Variants in PIK3AP1 observed in about 807,000 individuals in gnomAD.
PIK3AP1 encodes the protein phosphoinositide-3-kinase adaptor protein 1.
PIK3AP1 carries 21 observed loss-of-function variants against 88.1 expected under a neutral mutation model. The observed-to-expected ratio is 0.24, with a 90% confidence interval of 0.17 to 0.34. PIK3AP1 has a LOEUF of 0.34. Ranked by LOEUF, PIK3AP1 falls within the 10% of genes least tolerant of loss-of-function variation. The pLI is 1.00. For synonymous variants in PIK3AP1, 398 were observed against 400.0 expected, an observed-to-expected ratio of 1.00 and a Z score of 0.06; for missense variants, 828 against 1,035.7, an observed-to-expected ratio of 0.80 and a Z score of 2.75.
chr10:96,660,636 C>T (rs1034236597), intron 2 of PIK3AP1, among the ~76,000 whole-genome samples: 3 of 152,186 alleles, frequency 2.0e-5, no homozygotes, highest in African/African-American at 7.2e-5. Context: ...ACTAAACAAT[C>T]CAGCAATCAT....
rs1027684697 is a variant in PIK3AP1 at position 96,610,009 on chromosome 10, G to A, written c.2015-142C>T. ...GGGAAGGGAAAAGACGATGGGAGAG[G>A]GAGGGGCCCTGGGTTGGTGGCCCCC... On this transcript the variant is annotated intron_variant, in intron 13 of 16. Coordinates refer to ENST00000339364, the MANE Select transcript of PIK3AP1 (RefSeq NM_152309.3). 6.7e-6 allele frequency: 7 copies of A among 1,039,112 alleles called. No individual in the cohort carries two copies. In the East Asian group the frequency reaches 1.4e-4, roughly 21 times the overall value. 64.4% of individuals were successfully genotyped at this position (1,039,112 alleles called of 1,614,324 possible).
At chr10:96,626,126 G>C (rs1407573897) in intron 10 of PIK3AP1, among the ~76,000 whole-genome samples, 1 of 152,158 alleles carries the variant, frequency 6.6e-6, no homozygotes, top group African/African-American at 2.4e-5. Context: ...AATGCTATCA[G>C]TATCTAACTA....
chr10:96,618,793 T>G (rs1448662213), intron 12 of PIK3AP1: 2 of 152,232 alleles, frequency 1.3e-5, no homozygotes, highest in East Asian at 3.9e-4. Context: ...TTAACTACTG[T>G]GCCACGTGGT....
At chr10:96,652,957 G>T in intron 3 of PIK3AP1, 115 bp from the exon 4 acceptor site, 1 of 1,207,380 alleles carries the variant, frequency 8.3e-7, no homozygotes, top group Non-Finnish European at 1.2e-6. Flanking sequence ...AATCTCTGGG[G>T]ACAGGGTGGA....
chr10:96,720,239 G>A lies in PIK3AP1; in HGVS notation c.13+143C>T. On this transcript the variant is annotated intron_variant, in intron 1 of 16. Coordinates refer to ENST00000339364, the MANE Select transcript of PIK3AP1 (RefSeq NM_152309.3). The surrounding 1 kb of genome is among the most constrained non-coding windows in gnomAD (Gnocchi z 4.6). ...AAGTTGGAGTGGGAAGTTTGCGACA[G>A]GGAACATAGAAAAGAGCAGAAAGAG... The A allele has an allele frequency of 3.5e-6, 3 of 869,004 alleles. No homozygotes were observed. The highest frequency in any genetic ancestry group is 4.6e-6 in the Non-Finnish European group (3 of 658,690). The allele number at this position is 869,004 out of a possible 1,614,324, so 53.8% of individuals were successfully genotyped here.
chr10:96,649,805 T>C (rs1024837460), intron 6 of PIK3AP1, among the ~76,000 whole-genome samples: 1 of 152,190 alleles, frequency 6.6e-6, no homozygotes, highest in Non-Finnish European at 1.5e-5. Context: ...CACTCTCTAA[T>C]TGGTGAAAAG....
chr10:96,712,295 G>A (rs72824468), intron 1 of PIK3AP1, among the ~76,000 whole-genome samples: 5,248 of 152,180 alleles, frequency 0.034, 136 homozygotes, highest in South Asian at 0.066. Flanking sequence ...CAATTCTGAC[G>A]ATGCCCTGGA....
At chr10:96,612,268 C>T (rs1237496574) in intron 13 of PIK3AP1, among the ~76,000 whole-genome samples, 1 of 152,190 alleles carries the variant, frequency 6.6e-6, no homozygotes, top group East Asian at 1.9e-4. Flanking sequence ...CTCTCACCAG[C>T]CCTTCTCTAA....
Position 96,623,466 on chromosome 10 carries a change from G to A in PIK3AP1, c.1735+6C>T. 6.2e-7 allele frequency: 1 copy of A among 1,607,334 alleles called. No homozygotes were observed. The highest frequency in any genetic ancestry group is 1.3e-5 in the African/African-American group (1 of 74,842). ...AAAAGTTCAGTTCATATAACACATG[G>A]CTTACCTTTCCTGATGCTCTCTGAG... On this transcript the variant is annotated splice_donor_region_variant and intron_variant, in intron 11 of 16. Transcript: ENST00000339364.
intron 2 of PIK3AP1, among the ~76,000 whole-genome samples, chr10:96,707,318 A>C (rs1844377286): frequency 6.6e-6 from 1 of 152,194 alleles, no homozygotes; most frequent in Admixed American, 6.5e-5. Flanking sequence ...TTTGAGACGG[A>C]GTCTTGCTCT....
intron 13 of PIK3AP1, among the ~76,000 whole-genome samples, chr10:96,616,022 C>G (rs1849209591): frequency 6.6e-6 from 1 of 152,196 alleles, no homozygotes; most frequent in Non-Finnish European, 1.5e-5. Context: ...GCCAGAGGCT[C>G]TCTGTGGGAA....
chr10:96,717,034 G>A (rs1844510984), intron 1 of PIK3AP1, among the ~76,000 whole-genome samples: 1 of 152,074 alleles, frequency 6.6e-6, no homozygotes, highest in African/African-American at 2.4e-5. Context: ...GGCTAAGGAG[G>A]GCAGATCACT....
chr10:96,648,995 TCTAACAG>T lies in PIK3AP1; in HGVS notation c.989-147_989-141del, dbSNP rs879278333. ...TACTTATTGATTGACTGACCTAACA[TCTAACAG>T]CTTCCTTCAGGACACCACTGAAGAT... On this transcript the variant is annotated intron_variant, in intron 6 of 16. Transcript: ENST00000339364. The T allele has an allele frequency of 1.0e-3, 668 of 647,886 alleles. 2 individuals are homozygous for T. The highest frequency in any genetic ancestry group is 1.5e-3 in the Non-Finnish European group (592 of 400,320). 40.1% of individuals were successfully genotyped at this position (647,886 alleles called of 1,614,324 possible).
intron 2 of PIK3AP1, among the ~76,000 whole-genome samples, chr10:96,680,007 T>C (rs975888399): frequency 6.6e-6 from 1 of 152,166 alleles, no homozygotes; most frequent in Non-Finnish European, 1.5e-5. Context: ...CCCACTATCA[T>C]GTCCACCCTT....
intron 1 of PIK3AP1, among the ~76,000 whole-genome samples, chr10:96,719,263 C>G (rs1844541665): frequency 6.6e-6 from 1 of 152,188 alleles, no homozygotes; most frequent in South Asian, 2.1e-4. Context: ...CCGAAGCACC[C>G]TTACCAGACC....
rs1848703735 is a variant in PIK3AP1 at position 96,593,361 on chromosome 10, A to C, written c.*2216T>G. 6.6e-6 allele frequency: 1 copy of C among 152,234 alleles called. No homozygotes were observed. The highest frequency in any genetic ancestry group is 1.5e-5 in the Non-Finnish European group (1 of 68,042). 9.4% of individuals were successfully genotyped at this position (152,234 alleles called of 1,614,324 possible). On this transcript the variant is annotated 3_prime_UTR_variant, in exon 17 of 17. Transcript: ENST00000339364. ...TGTTTTCTACTTATTTTTATATAAG[A>C]ATACAATGCAACAAAATATTCATAT...
intron 12 of PIK3AP1, 47 bp from the exon 13 acceptor site, chr10:96,616,758 C>G (rs752163028): frequency 2.3e-5 from 35 of 1,542,336 alleles, no homozygotes; most frequent in Non-Finnish European, 3.0e-5. Context: ...CAGGATGATA[C>G]CCTCTGGACA....
intron 3 of PIK3AP1, among the ~76,000 whole-genome samples, chr10:96,655,587 T>C (rs957778597): frequency 6.6e-6 from 1 of 152,092 alleles, no homozygotes; most frequent in Admixed American, 6.6e-5. Context: ...CCAAATCTCA[T>C]CTTGAATTGT....
intron 2 of PIK3AP1, among the ~76,000 whole-genome samples, chr10:96,672,345 C>T (rs903508918): frequency 6.6e-6 from 1 of 152,104 alleles, no homozygotes; most frequent in Non-Finnish European, 1.5e-5. Context: ...GACATCAGCC[C>T]AAATCTTTTC....
Sources: gnomAD v4.1 joint callset for allele counts (sites outside exome capture counted in the v4.1 genomes callset) on GRCh38, gnomAD v4.1.1 for gene constraint, Gnocchi (gnomAD v3.1) non-coding constraint, MANE v1.5 for transcripts, NCBI Gene and HGNC (gene_info 2026-07-23, HGNC 2026-07-21) for gene names.